Variants in TTC6 observed in about 807,000 individuals in gnomAD.
TTC6 encodes the protein tetratricopeptide repeat protein 6.
A neutral mutation model predicts 210.4 loss-of-function variants in TTC6; 172 were observed. The observed-to-expected ratio is 0.82, with a 90% CI of 0.72 to 0.93. The LOEUF (loss-of-function observed/expected upper bound fraction) is 0.93. Ranked by LOEUF, TTC6 falls within the 40% of genes least tolerant of loss-of-function variation. The pLI, the probability that TTC6 is intolerant of heterozygous loss-of-function variation, is 0.00. For missense variants in TTC6, 2,414 were observed against 2,318.1 expected (o/e 1.04, Z -0.85); for synonymous variants, 804 against 819.6 (o/e 0.98, Z 0.32).
chr14:37,729,317 A>T (rs2095880082), intron 7 of TTC6, among the ~76,000 whole-genome samples: 1 of 152,202 alleles, frequency 6.6e-6, no homozygotes, highest in African/African-American at 2.4e-5. Context: ...CATGCAGAAG[A>T]TTGGTGAATA....
At chr14:37,663,899 C>T (rs1360335521) in intron 1 of TTC6, among the ~76,000 whole-genome samples, 1 of 152,106 alleles carries the variant, frequency 6.6e-6, no homozygotes, top group South Asian at 2.1e-4. Context: ...AACTCCCATT[C>T]ACAATTGCTA....
At chr14:37,628,215 C>T (rs991958022) in intron 1 of TTC6, among the ~76,000 whole-genome samples, 5 of 152,234 alleles carry the variant, frequency 3.3e-5, no homozygotes, top group South Asian at 2.1e-4. Context: ...TCAGGTGATC[C>T]GCCCACCTTG....
In TTC6 at chr14:37,792,641, TTTC is replaced by T. The variant is rs1288611682; in HGVS notation, c.3708+230_3708+232del. On this transcript the variant is annotated intron_variant, in intron 17 of 30. Coordinates refer to ENST00000553443, the Ensembl canonical transcript of TTC6. ...CACTTTTGAAAATAATACCTTTTTT[TTTC>T]TTAATTACAAAAGCATTATATACTT... is the stretch of plus-strand genomic sequence containing the variant. 5.3e-5 allele frequency among the ~76,000 whole-genome samples: 8 copies of T among 152,234 alleles called. No homozygotes were observed. The East Asian group carries it at 1.5e-3, about 29-fold the overall frequency.
intron 14 of TTC6, among the ~76,000 whole-genome samples, chr14:37,771,422 C>T (rs1043574514): frequency 1.3e-5 from 2 of 152,194 alleles, no homozygotes; most frequent in African/African-American, 2.4e-5. Context: ...TCCATTCTCC[C>T]TGTCACTTTC....
At chr14:37,768,814 C>T (rs2096007778) in intron 14 of TTC6, among the ~76,000 whole-genome samples, 2 of 151,878 alleles carry the variant, frequency 1.3e-5, no homozygotes, top group Non-Finnish European at 2.9e-5. Context: ...GCCTGATTGC[C>T]CTGGCCAGAA....
At chr14:37,662,125 C>G (rs932240872) in intron 1 of TTC6, among the ~76,000 whole-genome samples, 4 of 152,254 alleles carry the variant, frequency 2.6e-5, no homozygotes, top group African/African-American at 4.8e-5. Context: ...TCCTCCCTTC[C>G]TATTTAAATA....
chr14:37,638,301 C>T (rs1385912961), intron 1 of TTC6, among the ~76,000 whole-genome samples: 1 of 152,106 alleles, frequency 6.6e-6, no homozygotes, highest in Non-Finnish European at 1.5e-5. Context: ...GCCGCCCAGG[C>T]TGGAATGCAG....
chr14:37,795,223 A>G (rs1376644100), intron 17 of TTC6, 47 bp from the exon 20 acceptor site: 4 of 1,306,210 alleles, frequency 3.1e-6, no homozygotes, highest in Non-Finnish European at 3.2e-6. Context: ...TCAGAAAGGA[A>G]GCAATCGATG....
At chr14:37,687,297 AG>A (rs1297767866) in intron 3 of TTC6, among the ~76,000 whole-genome samples, 1 of 152,168 alleles carries the variant, frequency 6.6e-6, no homozygotes, top group Admixed American at 6.5e-5. Flanking sequence ...AGCCCTAGCC[AG>A]AGAGGAATAG....
At chr14:37,811,814 T>A (rs1353335986) in intron 24 of TTC6, among the ~76,000 whole-genome samples, 1 of 152,208 alleles carries the variant, frequency 6.6e-6, no homozygotes, top group Non-Finnish European at 1.5e-5. Context: ...TTTCATTGAT[T>A]CATGATTTTT....
At chr14:37,830,792 A>T (rs1005054904) in intron 29 of TTC6, among the ~76,000 whole-genome samples, 7 of 151,780 alleles carry the variant, frequency 4.6e-5, no homozygotes, top group Admixed American at 3.9e-4. Flanking sequence ...TTATTTCAAA[A>T]TGTTATATTT....
intron 14 of TTC6, among the ~76,000 whole-genome samples, chr14:37,755,613 C>T (rs1291083443): frequency 6.6e-6 from 1 of 152,146 alleles, no homozygotes; most frequent in Non-Finnish European, 1.5e-5. Flanking sequence ...CCAGTTTCCC[C>T]AGCACCATTT....
chr14:37,835,815 C>T (rs574238863), intron 29 of TTC6, among the ~76,000 whole-genome samples: 7 of 152,158 alleles, frequency 4.6e-5, no homozygotes, highest in African/African-American at 1.7e-4. Flanking sequence ...TTGAGTCTTT[C>T]TTGCTTTGTA....
intron 29 of TTC6, among the ~76,000 whole-genome samples, chr14:37,832,329 C>CTTTTTT (rs58133834): frequency 4.4e-5 from 3 of 68,914 alleles, no homozygotes; most frequent in African/African-American, 1.1e-4. Context: ...TTCTTTCTCT[C>CTTTTTT]TTTTTTTTTT....
At chr14:37,820,947 C>G (rs1324199216) in intron 26 of TTC6, among the ~76,000 whole-genome samples, 2 of 142,536 alleles carry the variant, frequency 1.4e-5, no homozygotes, top group Non-Finnish European at 3.0e-5. Context: ...TCCTTCTTCT[C>G]CTCCTCCTTC....
intron 1 of TTC6, among the ~76,000 whole-genome samples, chr14:37,642,594 G>T (rs1398596344): frequency 6.6e-6 from 1 of 152,098 alleles, no homozygotes; most frequent in African/African-American, 2.4e-5. Flanking sequence ...TCTCATCTTA[G>T]CCTGATGGGC....
At chr14:37,782,014 G>C (rs2139264317) in intron 14 of TTC6, among the ~76,000 whole-genome samples, 1 of 152,272 alleles carries the variant, frequency 6.6e-6, no homozygotes, top group South Asian at 2.1e-4. Context: ...GTACCATGCT[G>C]TTTTGGTTAC....
intron 14 of TTC6, among the ~76,000 whole-genome samples, chr14:37,767,496 C>A (rs2096003071): frequency 6.6e-6 from 1 of 152,208 alleles, no homozygotes; most frequent in Non-Finnish European, 1.5e-5. Context: ...GCCATTCTAA[C>A]TGGTGTGAGA....
chr14:37,715,964 G>A (rs575588875), intron 6 of TTC6, among the ~76,000 whole-genome samples: 8 of 152,236 alleles, frequency 5.3e-5, no homozygotes, highest in African/African-American at 1.7e-4. Flanking sequence ...CTCCTTTTGA[G>A]TTTTCTAAGT....
Sources: gnomAD v4.1 joint callset for allele counts (sites outside exome capture counted in the v4.1 genomes callset) on GRCh38, gnomAD v4.1.1 for gene constraint, MANE v1.5 for transcripts, NCBI Gene and HGNC (gene_info 2026-07-23, HGNC 2026-07-21) for gene names.